The following DOCK3 variants were observed in gnomAD, a reference collection of about 807,000 sequenced individuals.
DOCK3 encodes dedicator of cytokinesis protein 3.
A neutral mutation model predicts 265.6 loss-of-function variants in DOCK3; 60 were observed. The ratio of observed to expected loss-of-function variants is 0.23; its 90% confidence interval spans 0.18 to 0.28. The LOEUF (loss-of-function observed/expected upper bound fraction) is 0.28, where lower values mean the gene tolerates loss of function less well. Among genes scored for constraint, DOCK3 ranks in the 10% least tolerant of loss-of-function variants. DOCK3 has a pLI of 1.00. For synonymous variants in DOCK3, 881 were observed against 938.0 expected (o/e 0.94, Z 1.11); for missense variants, 1,981 against 2,594.3 (o/e 0.76, Z 5.14).
chr3:51,141,007 T>C (rs2085035514), intron 9 of DOCK3, among the ~76,000 whole-genome samples: 1 of 152,142 alleles, frequency 6.6e-6, no homozygotes, highest in South Asian at 2.1e-4. Flanking sequence ...GTATATGATT[T>C]ATAAATATTT....
intron 49 of DOCK3, among the ~76,000 whole-genome samples, chr3:51,364,450 C>T (rs1273011463): frequency 1.3e-5 from 2 of 152,180 alleles, no homozygotes; most frequent in Non-Finnish European, 2.9e-5. Context: ...CCTTTTCACT[C>T]TCATGGTAGT....
At chr3:50,968,811 A>G (rs927903430) in intron 5 of DOCK3, among the ~76,000 whole-genome samples, 6 of 152,142 alleles carry the variant, frequency 3.9e-5, no homozygotes, top group South Asian at 2.1e-4. Flanking sequence ...CGGCCTCCCA[A>G]AGTCCTGGGA....
At chr3:50,831,185 T>TTTTATTTA (rs3043409) in intron 2 of DOCK3, among the ~76,000 whole-genome samples, 93 of 72,078 alleles carry the variant, frequency 1.3e-3, no homozygotes, top group Admixed American at 4.8e-3. Context: ...CTGCAACCTG[T>TTTTATTTA]TTTATTTATT....
chr3:51,313,982 AT>A (rs2109620645), intron 31 of DOCK3, among the ~76,000 whole-genome samples: 1 of 152,230 alleles, frequency 6.6e-6, no homozygotes, highest in Admixed American at 6.5e-5. Flanking sequence ...TTAATACCAG[AT>A]TTGCCTGATA....
At chr3:51,172,836 C>T (rs536520699) in intron 12 of DOCK3, among the ~76,000 whole-genome samples, 1 of 152,080 alleles carries the variant, frequency 6.6e-6, no homozygotes, top group Non-Finnish European at 1.5e-5. Flanking sequence ...TCTGTGCCTA[C>T]TATGAGGTTA....
intron 1 of DOCK3, among the ~76,000 whole-genome samples, chr3:50,758,459 G>T (rs893435137): frequency 6.6e-6 from 1 of 151,946 alleles, no homozygotes; most frequent in Admixed American, 6.6e-5. Flanking sequence ...GTAAAAAAAA[G>T]ATATATAATT....
At chr3:50,840,673 C>T (rs1434780067) in intron 2 of DOCK3, among the ~76,000 whole-genome samples, 1 of 152,156 alleles carries the variant, frequency 6.6e-6, no homozygotes, top group Non-Finnish European at 1.5e-5. Flanking sequence ...TCTGCCACAC[C>T]TCATGATGTC....
At chr3:51,155,304 G>A (rs982090617) in intron 10 of DOCK3, among the ~76,000 whole-genome samples, 10 of 152,078 alleles carry the variant, frequency 6.6e-5, no homozygotes, top group African/African-American at 1.7e-4. Context: ...AAAAAGGTCC[G>A]AAACATGATT....
chr3:51,281,410 C>T (rs12493323), intron 27 of DOCK3, among the ~76,000 whole-genome samples: 10,820 of 151,448 alleles, frequency 0.071, 973 homozygotes, highest in East Asian at 0.32. Flanking sequence ...AGCTTGTTGT[C>T]GAACTTATTG....
intron 9 of DOCK3, among the ~76,000 whole-genome samples, chr3:51,114,001 T>G (rs955542706): frequency 7.9e-5 from 12 of 151,824 alleles, no homozygotes; most frequent in African/African-American, 2.9e-4. Context: ...CCCAGGTACT[T>G]GAGAGGCTGA....
At chr3:51,061,713 A>T (rs953210853) in intron 5 of DOCK3, among the ~76,000 whole-genome samples, 10 of 146,828 alleles carry the variant, frequency 6.8e-5, no homozygotes, top group Admixed American at 2.0e-4. Context: ...AAAGTATAAT[A>T]AAAAAAAAAG....
intron 9 of DOCK3, among the ~76,000 whole-genome samples, chr3:51,121,433 A>G (rs1035428291): frequency 2.0e-5 from 3 of 152,134 alleles, no homozygotes; most frequent in Non-Finnish European, 2.9e-5. Context: ...AGCTTTTCCT[A>G]TTCAGCCACC....
At chr3:50,685,393 AG>A (rs2034716531) in intron 1 of DOCK3, among the ~76,000 whole-genome samples, 1 of 152,236 alleles carries the variant, frequency 6.6e-6, no homozygotes, top group Non-Finnish European at 1.5e-5. Context: ...CAAAAGTAAA[AG>A]GTCCCCTACT....
intron 9 of DOCK3, among the ~76,000 whole-genome samples, chr3:51,111,915 A>G (rs983821644): frequency 2.0e-5 from 3 of 152,362 alleles, no homozygotes; most frequent in Non-Finnish European, 4.4e-5. Context: ...TCACTTTTCA[A>G]AAAAAGACAT....
intron 1 of DOCK3, among the ~76,000 whole-genome samples, chr3:50,724,485 T>TA: frequency 6.6e-6 from 1 of 152,276 alleles, no homozygotes; most frequent in Non-Finnish European, 1.5e-5. Flanking sequence ...ATGTAGCACA[T>TA]ATACACCATG....
intron 5 of DOCK3, among the ~76,000 whole-genome samples, chr3:51,023,413 CGTT>C (rs1559956172): frequency 2.0e-5 from 3 of 151,814 alleles, no homozygotes; most frequent in East Asian, 3.9e-4. Flanking sequence ...TTTTTGTTGT[CGTT>C]GTTGTTCTTG....
intron 5 of DOCK3, among the ~76,000 whole-genome samples, chr3:51,017,345 A>G (rs952445101): frequency 2.0e-5 from 3 of 150,498 alleles, no homozygotes; most frequent in Admixed American, 1.3e-4. Flanking sequence ...GATCATTTGT[A>G]TTTTTTTTAA....
chr3:50,775,188 A>G (rs1264414500), intron 1 of DOCK3, among the ~76,000 whole-genome samples: 5 of 152,032 alleles, frequency 3.3e-5, no homozygotes, highest in Non-Finnish European at 7.4e-5. Context: ...GAGATTATTT[A>G]TGATTGGTGT....
At chr3:50,736,407 C>G (rs1413573764) in intron 1 of DOCK3, among the ~76,000 whole-genome samples, 1 of 152,116 alleles carries the variant, frequency 6.6e-6, no homozygotes, top group Non-Finnish European at 1.5e-5. Flanking sequence ...ATCATTTGGG[C>G]ATATACCCAG....
Sources: allele counts gnomAD v4.1 joint callset (sites outside exome capture counted in the v4.1 genomes callset), GRCh38; gene constraint gnomAD v4.1.1; transcripts MANE v1.5; gene names NCBI Gene and HGNC (gene_info 2026-07-23, HGNC 2026-07-21).